UBTD2: variants seen among roughly 807,000 people sequenced by gnomAD.
The protein encoded by UBTD2 is ubiquitin domain containing 2.
Under a neutral mutation model 19.8 loss-of-function variants are expected in UBTD2, and 9 were observed. That is an observed-to-expected ratio of 0.46 (90% confidence interval 0.27 to 0.79). The LOEUF is 0.79. UBTD2 is among the 30% of genes least tolerant of loss of function. UBTD2 has a pLI of 0.14. For synonymous variants in UBTD2, 98 were observed against 103.9 expected (o/e 0.94, Z 0.35); for missense variants, 250 against 300.4 (o/e 0.83, Z 1.24).
intron 2 of UBTD2, among the ~76,000 whole-genome samples, chr5:172,217,291 T>C (rs1581208118): frequency 6.7e-6 from 1 of 149,966 alleles, no homozygotes; most frequent in Non-Finnish European, 1.5e-5. Context: ...TGGTGGTGGG[T>C]GCTTATAATC....
intron 1 of UBTD2, among the ~76,000 whole-genome samples, chr5:172,280,446 G>A (rs1755686690): frequency 6.7e-6 from 1 of 148,542 alleles, no homozygotes; most frequent in African/African-American, 2.5e-5. Flanking sequence ...GGAGGCAGAG[G>A]CTGCAGTGAG....
intron 1 of UBTD2, among the ~76,000 whole-genome samples, chr5:172,275,004 C>G (rs962542930): frequency 6.6e-6 from 1 of 152,136 alleles, no homozygotes; most frequent in African/African-American, 2.4e-5. Flanking sequence ...CCACTGCACT[C>G]CAGCCTGTGC....
rs1471517296 is a variant in UBTD2 at position 172,262,637 on chromosome 5, C to A, written c.70+20959G>T. On this transcript the variant is annotated intron_variant, in intron 1 of 2. Coordinates refer to ENST00000393792, the MANE Select transcript of UBTD2 (RefSeq NM_152277.3). ...GACCAGCCTCACCAACAAGGCAAAA[C>A]CCCATCTCTACTAAGAATACAAAAA... is the stretch of plus-strand genomic sequence containing the variant. Among the ~76,000 whole-genome samples the A allele has an allele frequency of 2.0e-5, 3 of 151,604 alleles. No individual in the cohort carries two copies. In the East Asian group the frequency reaches 5.9e-4, roughly 30 times the overall value.
chr5:172,228,317 G>C (rs1262677912), intron 2 of UBTD2, among the ~76,000 whole-genome samples: 1 of 152,144 alleles, frequency 6.6e-6, no homozygotes, highest in East Asian at 1.9e-4. Context: ...CCAATTTCAA[G>C]ACTTATACTT....
At chr5:172,273,111 AAAT>A (rs1755532457) in intron 1 of UBTD2, among the ~76,000 whole-genome samples, 1 of 145,920 alleles carries the variant, frequency 6.9e-6, no homozygotes, top group African/African-American at 2.5e-5. Context: ...ATAAAAATAA[AAAT>A]CTGTCCAAAG....
intron 1 of UBTD2, among the ~76,000 whole-genome samples, chr5:172,250,933 C>CAA (rs56280728): frequency 0.065 from 2,849 of 43,908 alleles, 516 homozygotes; most frequent in African/African-American, 0.14. Context: ...GACCCTGTCT[C>CAA]AAAAAAAAAA....
chr5:172,277,733 TAC>T (rs1177832475), intron 1 of UBTD2, among the ~76,000 whole-genome samples: 1 of 150,694 alleles, frequency 6.6e-6, no homozygotes, highest in African/African-American at 2.4e-5. Flanking sequence ...AACAACTTTG[TAC>T]ATGAAAGGAC....
intron 2 of UBTD2, among the ~76,000 whole-genome samples, chr5:172,218,810 T>TAAAAAAAAAAAAAAAAAAAAA (rs1241151556): frequency 7.8e-6 from 1 of 128,336 alleles, no homozygotes; most frequent in African/African-American, 3.1e-5. Flanking sequence ...AAAAAAAAAA[T>TAAAAAAAAAAAAAAAAAAAAA]AAAAAATAAA....
At chr5:172,249,478 A>G (rs1754947641) in intron 1 of UBTD2, among the ~76,000 whole-genome samples, 1 of 151,856 alleles carries the variant, frequency 6.6e-6, no homozygotes, top group Admixed American at 6.6e-5. Context: ...AACACTTCCT[A>G]ACTCATTCTA....
At chr5:172,255,398 G>A in intron 1 of UBTD2, 2 of 496,938 alleles carry the variant, frequency 4.0e-6, no homozygotes, top group Non-Finnish European at 4.1e-6. Context: ...GGGTCCACGG[G>A]CCTCTTGCTT....
chr5:172,247,906 C>T (rs553943966), intron 1 of UBTD2, among the ~76,000 whole-genome samples: 1 of 152,210 alleles, frequency 6.6e-6, no homozygotes, highest in Non-Finnish European at 1.5e-5. Flanking sequence ...TAGAAATTCT[C>T]CAGGATAGAC....
intron 2 of UBTD2, among the ~76,000 whole-genome samples, chr5:172,222,263 G>A (rs1771666100): frequency 6.6e-6 from 1 of 152,068 alleles, no homozygotes; most frequent in Non-Finnish European, 1.5e-5. Flanking sequence ...CTATTTAATG[G>A]CCCCAAATCT....
intron 1 of UBTD2, among the ~76,000 whole-genome samples, chr5:172,263,264 T>C (rs1755308798): frequency 6.6e-6 from 1 of 152,202 alleles, no homozygotes; most frequent in Non-Finnish European, 1.5e-5. Flanking sequence ...CCACTGCTTA[T>C]AAATCACTGT....
At chr5:172,255,271 T>C (rs1755117802) in intron 1 of UBTD2, 2 of 452,338 alleles carry the variant, frequency 4.4e-6, no homozygotes, top group Middle Eastern at 3.6e-4. Context: ...CTGTATTCCA[T>C]GCCACAGGCC....
rs191800035 is a variant in UBTD2, at chr5:172,252,313, G to A, written c.71-17955C>T. On this transcript the variant is annotated intron_variant, in intron 1 of 2. Transcript: ENST00000393792. ...AACCCATACTTAGGATGGCACAGAA[G>A]TTGGCCTTTTTTTTTCCCCTCTGTG... 8.5e-5 allele frequency: 13 copies of A among 152,306 alleles called. No individual in the cohort carries two copies. The East Asian group carries it at 1.2e-3, about 14-fold the overall frequency. The allele number at this position is 152,306 out of a possible 1,614,324, so 9.4% of individuals were successfully genotyped here. A position where few individuals can be genotyped will look rare whatever the true frequency, so the allele number is the denominator to read the frequency against.
At chr5:172,282,436 C>T (rs1755736588) in intron 1 of UBTD2, among the ~76,000 whole-genome samples, 1 of 152,156 alleles carries the variant, frequency 6.6e-6, no homozygotes, top group South Asian at 2.1e-4. Context: ...GGCTAACCAT[C>T]ATGGAATTCA....
At chr5:172,264,639 C>G (rs1477659460) in intron 1 of UBTD2, among the ~76,000 whole-genome samples, 1 of 151,498 alleles carries the variant, frequency 6.6e-6, no homozygotes, top group South Asian at 2.1e-4. Flanking sequence ...TTTGGGAGGC[C>G]AAGACAAGAG....
At chr5:172,270,350 A>ATTTTT (rs758440849) in intron 1 of UBTD2, among the ~76,000 whole-genome samples, 88 of 98,754 alleles carry the variant, frequency 8.9e-4, no homozygotes, top group African/African-American at 3.1e-3. Flanking sequence ...GAATTTTAGA[A>ATTTTT]TTTTTTTTTT....
intron 2 of UBTD2, among the ~76,000 whole-genome samples, chr5:172,222,409 G>C (rs751325896): frequency 3.3e-5 from 5 of 152,202 alleles, no homozygotes; most frequent in Non-Finnish European, 5.9e-5. Flanking sequence ...CTTGAAGTGA[G>C]TAGGGCATGT....
Sources: gnomAD v4.1 joint callset for allele counts (sites outside exome capture counted in the v4.1 genomes callset) on GRCh38, gnomAD v4.1.1 for gene constraint, MANE v1.5 for transcripts, NCBI Gene and HGNC (gene_info 2026-07-23, HGNC 2026-07-21) for gene names.